The following DCAF17 variants were observed in gnomAD, a reference collection of about 807,000 sequenced individuals.
DCAF17 encodes DDB1- and CUL4-associated factor 17.
DCAF17 carries 48 observed loss-of-function variants against 66.0 expected under a neutral mutation model. That is an observed-to-expected ratio of 0.73 (90% confidence interval 0.58 to 0.92). The LOEUF (loss-of-function observed/expected upper bound fraction) is 0.92, where lower values mean the gene tolerates loss of function less well. Among genes scored for constraint, DCAF17 ranks in the 40% least tolerant of loss-of-function variants. DCAF17 has a pLI of 0.00. For missense variants in DCAF17, 562 were observed against 622.8 expected, an observed-to-expected ratio of 0.90 and a Z score of 1.04; for synonymous variants, 206 against 214.6, an observed-to-expected ratio of 0.96 and a Z score of 0.35.
At chr2:171,460,121 G>A (rs9678149) in intron 8 of DCAF17, among the ~76,000 whole-genome samples, 30,536 of 151,646 alleles carry the variant, frequency 0.2, 3,217 homozygotes, top group South Asian at 0.28. Flanking sequence ...TCAGGAGTTC[G>A]AGACCAGCCT....
chr2:171,458,579 A>C, intron 8 of DCAF17, 102 bp downstream of exon 8: 1 of 951,474 alleles, frequency 1.1e-6, no homozygotes, highest in African/African-American at 1.7e-5. Context: ...TTTATTTAAA[A>C]AACTCAATTC....
At position 171,482,084 on chromosome 2, in the gene DCAF17, GT is replaced by G; in HGVS notation, c.*972del. On this transcript the variant is annotated 3_prime_UTR_variant, in exon 14 of 14. Coordinates refer to ENST00000375255, the MANE Select transcript of DCAF17 (RefSeq NM_025000.4). The stretch of plus-strand genomic sequence containing the variant: ...ATGGAACAAGCATTATTTCTTCTTT[GT>G]TAGGAAAGATCTAAATATGGTCCTT... 2.2e-6 allele frequency: 1 copy of G among 453,272 alleles called. No homozygotes were observed. Among genetic ancestry groups the G allele is most frequent in the Non-Finnish European group, 4.4e-6 (1 of 226,588 alleles). 28.1% of individuals were successfully genotyped at this position (453,272 alleles called of 1,614,324 possible).
intron 8 of DCAF17, among the ~76,000 whole-genome samples, chr2:171,462,399 A>G (rs954777515): frequency 2.0e-5 from 3 of 152,236 alleles, no homozygotes; most frequent in African/African-American, 4.8e-5. Flanking sequence ...CACAATTACA[A>G]AATGATCAAA....
At chr2:171,469,096 A>G (rs1286350972) in intron 9 of DCAF17, 66 bp downstream of exon 9, 2 of 1,534,440 alleles carry the variant, frequency 1.3e-6, no homozygotes, top group Non-Finnish European at 9.0e-7. Context: ...TACCTCTCAA[A>G]TAGGCCCACA....
At chr2:171,474,745 G>A (rs778959225) in intron 10 of DCAF17, among the ~76,000 whole-genome samples, 1 of 152,020 alleles carries the variant, frequency 6.6e-6, no homozygotes, top group African/African-American at 2.4e-5. Context: ...ACACTTACAG[G>A]CATTCTCTTT....
At chr2:171,460,935 A>G (rs565667994) in intron 8 of DCAF17, among the ~76,000 whole-genome samples, 6 of 151,868 alleles carry the variant, frequency 4.0e-5, no homozygotes, top group Non-Finnish European at 7.4e-5. Context: ...TGTCATTGTA[A>G]AAAAAAATAA....
intron 9 of DCAF17, among the ~76,000 whole-genome samples, chr2:171,471,026 G>A (rs1424560388): frequency 6.6e-6 from 1 of 152,218 alleles, no homozygotes; most frequent in Admixed American, 6.5e-5. Context: ...GCAATCCCCT[G>A]TGGTTTCCAA....
At chr2:171,468,675 A>G (rs1696064343) in intron 8 of DCAF17, among the ~76,000 whole-genome samples, 1 of 152,156 alleles carries the variant, frequency 6.6e-6, no homozygotes, top group East Asian at 1.9e-4. Context: ...GATACCTAGA[A>G]AGTTGATTCA....
chr2:171,438,363 AGTTGACT>A (rs60830980), intron 2 of DCAF17, among the ~76,000 whole-genome samples: 45,367 of 151,948 alleles, frequency 0.3, 7,759 homozygotes, highest in East Asian at 0.63. Context: ...TGTTTGATCC[AGTTGACT>A]GATGGTACCT....
chr2:171,448,027 A>C (rs1445800684), intron 3 of DCAF17, among the ~76,000 whole-genome samples: 1 of 152,258 alleles, frequency 6.6e-6, no homozygotes, highest in Non-Finnish European at 1.5e-5. Context: ...TTAGAACCAC[A>C]GTGAATAATG....
Position 171,434,539 on chromosome 2 carries a change from T to C in DCAF17, c.-39T>C. The C allele has an allele frequency of 6.6e-7, 1 of 1,523,222 alleles. No homozygotes were observed. The highest frequency in any genetic ancestry group is 8.8e-7 in the Non-Finnish European group (1 of 1,140,202). 94.4% of individuals were successfully genotyped at this position (1,523,222 alleles called of 1,614,324 possible). On this transcript the variant is annotated 5_prime_UTR_variant, in exon 1 of 14. Coordinates refer to ENST00000375255, the MANE Select transcript of DCAF17 (RefSeq NM_025000.4). Reference sequence around the variant, plus strand: ...AGCACGGGAGTGTGGGGCGCGCCACTCGGCGGCCCAGCCTACCCAGGGCCC... The same window carrying C: ...AGCACGGGAGTGTGGGGCGCGCCACCCGGCGGCCCAGCCTACCCAGGGCCC...
chr2:171,438,941 C>T (rs939537866), intron 2 of DCAF17, among the ~76,000 whole-genome samples: 1 of 102,116 alleles, frequency 9.8e-6, no homozygotes, highest in Admixed American at 1.1e-4. Context: ...GCTGTGTTGC[C>T]CAAGCTGATC....
At chr2:171,461,983 A>G (rs940146087) in intron 8 of DCAF17, among the ~76,000 whole-genome samples, 44 of 152,154 alleles carry the variant, frequency 2.9e-4, no homozygotes, top group African/African-American at 9.9e-4. Flanking sequence ...TGTTGCATGT[A>G]TCTATAGCCT....
intron 9 of DCAF17, 49 bp downstream of exon 9, chr2:171,469,079 T>C: frequency 6.2e-7 from 1 of 1,601,844 alleles, no homozygotes. Flanking sequence ...TCAAGTTCTT[T>C]ATTTTCTACC....
rs1199114347 is a variant in DCAF17, at chr2:171,434,376, G to A, written c.-202G>A. The A allele has an allele frequency of 4.5e-6, 4 of 881,550 alleles. No homozygotes were observed. Among genetic ancestry groups the A allele is most frequent in the Non-Finnish European group, 5.4e-6 (3 of 556,270 alleles). 54.6% of individuals were successfully genotyped at this position (881,550 alleles called of 1,614,324 possible). On this transcript the variant is annotated 5_prime_UTR_variant, in exon 1 of 14. Transcript: ENST00000375255. ...AGGGAGTGCTTCTTCCCTTCTCTCC[G>A]CGCTCTGGCGGTGCAAGCGGCTCTG...
chr2:171,468,293 G>A (rs963272106), intron 8 of DCAF17, among the ~76,000 whole-genome samples: 1 of 152,060 alleles, frequency 6.6e-6, no homozygotes, highest in Non-Finnish European at 1.5e-5. Flanking sequence ...TGATAATAGT[G>A]GTAGTAGTGA....
chr2:171,467,642 A>C (rs1199218884), intron 8 of DCAF17, among the ~76,000 whole-genome samples: 1 of 149,294 alleles, frequency 6.7e-6, no homozygotes, highest in Non-Finnish European at 1.5e-5. Flanking sequence ...AGGCATGAGA[A>C]TTGCTTGAAC....
intron 11 of DCAF17, among the ~76,000 whole-genome samples, chr2:171,477,252 T>C (rs2105809163): frequency 6.6e-6 from 1 of 152,348 alleles, no homozygotes; most frequent in Non-Finnish European, 1.5e-5. Flanking sequence ...TTAAATTTAA[T>C]TGGGGTAATA....
chr2:171,436,990 T>A (rs906957763), intron 2 of DCAF17, among the ~76,000 whole-genome samples: 2 of 152,168 alleles, frequency 1.3e-5, no homozygotes, highest in African/African-American at 4.8e-5. Context: ...GTCAGGCTGG[T>A]CTCGAACGCC....
Sources: allele counts gnomAD v4.1 joint callset (sites outside exome capture counted in the v4.1 genomes callset), GRCh38; gene constraint gnomAD v4.1.1; transcripts MANE v1.5; gene names NCBI Gene and HGNC (gene_info 2026-07-23, HGNC 2026-07-21).